CDC42BPA: variants seen among roughly 807,000 people sequenced by gnomAD.
CDC42BPA encodes CDC42 binding protein kinase alpha.
In CDC42BPA, 80 loss-of-function variants were observed where a neutral mutation model predicts 223.5. That is an observed-to-expected ratio of 0.36 (90% CI 0.30 to 0.43). CDC42BPA has a LOEUF of 0.43. Among genes scored for constraint, CDC42BPA ranks in the 20% least tolerant of loss-of-function variants. The pLI, the probability that CDC42BPA is intolerant of heterozygous loss-of-function variation, is 1.00. For synonymous variants in CDC42BPA, 694 were observed against 718.6 expected, an observed-to-expected ratio of 0.97 and a Z score of 0.55; for missense variants, 1,743 against 2,099.9, an observed-to-expected ratio of 0.83 and a Z score of 3.32.
At chr1:227,150,855 G>GAAA (rs1215614965) in intron 6 of CDC42BPA, among the ~76,000 whole-genome samples, 23 of 70,974 alleles carry the variant, frequency 3.2e-4, no homozygotes, top group African/African-American at 5.0e-4. Context: ...TTACCTCCCT[G>GAAA]AAAAAAAAAA....
intron 11 of CDC42BPA, among the ~76,000 whole-genome samples, chr1:227,124,397 T>G: frequency 6.6e-6 from 1 of 152,064 alleles, no homozygotes; most frequent in East Asian, 1.9e-4. Context: ...TTTGGAGGTA[T>G]ATTTTTTTTC....
At chr1:227,154,709 A>G (rs1325096832) in intron 6 of CDC42BPA, among the ~76,000 whole-genome samples, 1 of 152,082 alleles carries the variant, frequency 6.6e-6, no homozygotes, top group Non-Finnish European at 1.5e-5. Flanking sequence ...AACTGTATTA[A>G]CAGACATAAA....
intron 21 of CDC42BPA, among the ~76,000 whole-genome samples, chr1:227,065,055 C>T (rs886681386): frequency 2.0e-5 from 3 of 151,562 alleles, no homozygotes; most frequent in African/African-American, 2.4e-5. Flanking sequence ...TGAGATCGCG[C>T]CACTGCACTC....
chr1:227,070,364 G>C (rs1313965130), intron 20 of CDC42BPA, among the ~76,000 whole-genome samples: 1 of 151,330 alleles, frequency 6.6e-6, no homozygotes, highest in Non-Finnish European at 1.5e-5. Flanking sequence ...ACAGGATGAA[G>C]ACTCCAAACC....
rs1694570095 is a variant in CDC42BPA at position 227,317,354 on chromosome 1, A to T, written c.-172T>A. 1.7e-6 allele frequency: 1 copy of T among 587,560 alleles called. No individual in the cohort carries two copies. Among genetic ancestry groups the T allele is most frequent in the Admixed American group, 3.5e-5 (1 of 28,918 alleles). 36.4% of individuals were successfully genotyped at this position (587,560 alleles called of 1,614,324 possible). A position where few individuals can be genotyped will look rare whatever the true frequency, so the allele number is the denominator to read the frequency against. ...ATCCAACACACCAGTAACCTCACTT[A>T]ACTGAAGCGTCTTCAATTTCACCCA... On this transcript the variant is annotated 5_prime_UTR_variant, in exon 1 of 37. The change creates a premature stop within an existing upstream ORF in the 5' untranslated region. Transcript: ENST00000366766.
intron 1 of CDC42BPA, among the ~76,000 whole-genome samples, chr1:227,302,693 AT>A (rs535058471): frequency 5.7e-4 from 86 of 151,958 alleles, no homozygotes; most frequent in Non-Finnish European, 8.2e-4. Context: ...TGTATTGATG[AT>A]TTTTTTCCCC....
At chr1:227,291,795 C>T (rs1689745507) in intron 1 of CDC42BPA, among the ~76,000 whole-genome samples, 1 of 152,130 alleles carries the variant, frequency 6.6e-6, no homozygotes, top group South Asian at 2.1e-4. Flanking sequence ...TAATCAGCTA[C>T]CTCTTATTAC....
chr1:227,297,782 A>G (rs72632816), intron 1 of CDC42BPA, among the ~76,000 whole-genome samples: 45,875 of 151,136 alleles, frequency 0.3, 7,061 homozygotes, highest in East Asian at 0.37. Flanking sequence ...CAAACTGGGG[A>G]AAGGAGAGAA....
At chr1:227,163,104 ACATATATG>A in intron 5 of CDC42BPA, among the ~76,000 whole-genome samples, 1 of 60,720 alleles carries the variant, frequency 1.6e-5, no homozygotes, top group Non-Finnish European at 3.8e-5. Context: ...GTGTTTCCAA[ACATATATG>A]TGTGTATGTT....
At chr1:227,261,553 T>A (rs1684077586) in intron 1 of CDC42BPA, among the ~76,000 whole-genome samples, 1 of 144,438 alleles carries the variant, frequency 6.9e-6, no homozygotes, top group African/African-American at 2.9e-5. Context: ...ATGAGAGATT[T>A]TAAATATACA....
chr1:227,280,133 A>T (rs1436823736), intron 1 of CDC42BPA, among the ~76,000 whole-genome samples: 2 of 152,238 alleles, frequency 1.3e-5, no homozygotes, highest in Non-Finnish European at 2.9e-5. Flanking sequence ...CTTATTTTCT[A>T]TTAGAATAAG....
intron 1 of CDC42BPA, among the ~76,000 whole-genome samples, chr1:227,315,788 T>C (rs777187613): frequency 3.9e-5 from 6 of 152,180 alleles, no homozygotes; most frequent in Admixed American, 6.5e-5. Context: ...TGGCAGTCTG[T>C]TTTGAAAAGT....
intron 15 of CDC42BPA, among the ~76,000 whole-genome samples, chr1:227,097,845 C>A (rs1331920412): frequency 6.6e-6 from 1 of 152,158 alleles, no homozygotes; most frequent in Non-Finnish European, 1.5e-5. Flanking sequence ...GGACAGCCCA[C>A]CCCAAGGGAA....
At chr1:227,037,169 G>T (rs1670440372) in intron 24 of CDC42BPA, among the ~76,000 whole-genome samples, 1 of 152,202 alleles carries the variant, frequency 6.6e-6, no homozygotes, top group Non-Finnish European at 1.5e-5. Flanking sequence ...ACCATTACTG[G>T]CTAAGTTCCA....
chr1:227,135,369 G>T (rs546195636), intron 10 of CDC42BPA, among the ~76,000 whole-genome samples: 1 of 152,150 alleles, frequency 6.6e-6, no homozygotes, highest in Non-Finnish European at 1.5e-5. Flanking sequence ...TTGAGGAAGA[G>T]AATCTGCTTC....
intron 2 of CDC42BPA, among the ~76,000 whole-genome samples, chr1:227,222,936 C>T (rs2813970): frequency 0.63 from 95,821 of 151,920 alleles, 30,391 homozygotes; most frequent in East Asian, 0.74. Context: ...CCACAAGTTC[C>T]TGCCCCCCAA....
chr1:227,158,794 C>T (rs1280285296), intron 6 of CDC42BPA, among the ~76,000 whole-genome samples: 1 of 152,130 alleles, frequency 6.6e-6, no homozygotes, highest in African/African-American at 2.4e-5. Context: ...ATTGTCAAGC[C>T]TCATATGGTC....
intron 1 of CDC42BPA, among the ~76,000 whole-genome samples, chr1:227,300,568 AGGAAT>A (rs1691446304): frequency 6.6e-6 from 1 of 152,228 alleles, no homozygotes; most frequent in Admixed American, 6.5e-5. Context: ...GAAGTAACTC[AGGAAT>A]GGAAAACCAA....
chr1:227,244,978 G>A (rs1412310114), intron 2 of CDC42BPA, among the ~76,000 whole-genome samples: 2 of 152,214 alleles, frequency 1.3e-5, no homozygotes, highest in African/African-American at 4.8e-5. Flanking sequence ...ACTAGCTCTA[G>A]CCAAAGGGGA....
Sources: allele counts gnomAD v4.1 joint callset (sites outside exome capture counted in the v4.1 genomes callset), GRCh38; gene constraint gnomAD v4.1.1; transcripts MANE v1.5; gene names NCBI Gene and HGNC (gene_info 2026-07-23, HGNC 2026-07-21).